KHDRBS2: variants seen among roughly 807,000 people sequenced by gnomAD.
KHDRBS2 encodes the protein KH domain-containing, RNA-binding, signal transduction-associated protein 2.
KHDRBS2 carries 26 observed loss-of-function variants against 44.3 expected under a neutral mutation model. That is an observed-to-expected ratio of 0.59 (90% CI 0.43 to 0.81). KHDRBS2 has a LOEUF of 0.81. Among genes scored for constraint, KHDRBS2 ranks in the 40% least tolerant of loss-of-function variants. The pLI is 0.00. For synonymous variants in KHDRBS2, 194 were observed against 151.1 expected, an observed-to-expected ratio of 1.28 and a Z score of -2.08; for missense variants, 476 against 433.1, an observed-to-expected ratio of 1.10 and a Z score of -0.88.
chr6:62,166,797 C>A (rs1228057710), intron 2 of KHDRBS2, among the ~76,000 whole-genome samples: 2 of 151,988 alleles, frequency 1.3e-5, no homozygotes, highest in Non-Finnish European at 2.9e-5. Flanking sequence ...ATCTCTTAAA[C>A]ATCTGTCTAC....
chr6:61,725,510 T>G (rs1773403902), intron 7 of KHDRBS2, among the ~76,000 whole-genome samples: 1 of 151,548 alleles, frequency 6.6e-6, no homozygotes, highest in South Asian at 2.1e-4. Flanking sequence ...CAGGAGCTGG[T>G]TTTTTGAAAC....
chr6:61,991,865 G>T (rs1390870714), intron 3 of KHDRBS2, among the ~76,000 whole-genome samples: 1 of 152,186 alleles, frequency 6.6e-6, no homozygotes, highest in African/African-American at 2.4e-5. Flanking sequence ...AGAAGGTCTT[G>T]CAGAATTGTA....
At chr6:61,894,544 C>T in intron 6 of KHDRBS2, 91 bp downstream of exon 6, 1 of 976,856 alleles carries the variant, frequency 1.0e-6, no homozygotes, top group Admixed American at 2.4e-5. Flanking sequence ...ACATTACCTG[C>T]TATATTCACG....
At chr6:61,656,218 T>C in the KHDRBS2 span, among the ~76,000 whole-genome samples, 2 of 152,026 alleles carry the variant, frequency 1.3e-5, no homozygotes, top group Non-Finnish European at 2.9e-5. Context: ...AGGCAGTCTT[T>C]TAAGAGAAGA....
intron 4 of KHDRBS2, among the ~76,000 whole-genome samples, chr6:61,956,557 AAT>A (rs886528074): frequency 2.6e-5 from 4 of 152,154 alleles, no homozygotes; most frequent in African/African-American, 9.6e-5. Flanking sequence ...TCAGGAAACA[AAT>A]CACAGAACAC....
At chr6:61,927,119 G>A (rs1206289777) in intron 4 of KHDRBS2, among the ~76,000 whole-genome samples, 1 of 151,270 alleles carries the variant, frequency 6.6e-6, no homozygotes, top group Non-Finnish European at 1.5e-5. Context: ...TGAATAGCTG[G>A]GTAAATAGGA....
At chr6:61,597,483 GA>G in the KHDRBS2 span, among the ~76,000 whole-genome samples, 4 of 151,774 alleles carry the variant, frequency 2.6e-5, no homozygotes, top group Admixed American at 1.3e-4. Flanking sequence ...ACAGTCACTG[GA>G]AGTCTCTTTT....
chr6:61,848,873 A>T (rs1342530793), intron 6 of KHDRBS2, among the ~76,000 whole-genome samples: 1 of 151,944 alleles, frequency 6.6e-6, no homozygotes, highest in African/African-American at 2.4e-5. Context: ...GACAATTTTG[A>T]ATAGTTAAAT....
the KHDRBS2 span, among the ~76,000 whole-genome samples, chr6:61,614,715 G>A: frequency 2.6e-5 from 4 of 152,112 alleles, no homozygotes; most frequent in African/African-American, 9.7e-5. Context: ...AGAGTGTGGG[G>A]AAGTTTTTGC....
chr6:61,885,067 C>T (rs1376825841), intron 6 of KHDRBS2, among the ~76,000 whole-genome samples: 1 of 152,024 alleles, frequency 6.6e-6, no homozygotes, highest in Non-Finnish European at 1.5e-5. Flanking sequence ...AACCTGAAAA[C>T]ACTATTAACA....
intron 1 of KHDRBS2, among the ~76,000 whole-genome samples, chr6:62,217,027 T>TAA (rs566995007): frequency 3.3e-5 from 4 of 122,908 alleles, no homozygotes; most frequent in African/African-American, 1.2e-4. Context: ...ATGATCTGAT[T>TAA]AAAAAAAAAA....
the KHDRBS2 span, among the ~76,000 whole-genome samples, chr6:61,568,262 G>T: frequency 6.6e-6 from 1 of 152,144 alleles, no homozygotes; most frequent in Non-Finnish European, 1.5e-5. Context: ...ATAATTTGAA[G>T]ACAAGTAAAG....
chr6:61,943,684 G>A (rs1196833114), intron 4 of KHDRBS2, among the ~76,000 whole-genome samples: 3 of 152,032 alleles, frequency 2.0e-5, no homozygotes, highest in Non-Finnish European at 4.4e-5. Context: ...CTTCTGCACA[G>A]AAAAGGAAAC....
chr6:61,805,382 G>C (rs879785273), intron 6 of KHDRBS2, among the ~76,000 whole-genome samples: 5 of 152,164 alleles, frequency 3.3e-5, no homozygotes, highest in Non-Finnish European at 7.3e-5. Flanking sequence ...TAAGTCACCA[G>C]GAAGTTCCAA....
At chr6:61,728,085 C>A (rs1479624673) in intron 7 of KHDRBS2, among the ~76,000 whole-genome samples, 1 of 152,052 alleles carries the variant, frequency 6.6e-6, no homozygotes, top group African/African-American at 2.4e-5. Flanking sequence ...GGTACATATA[C>A]ATCATGGAAT....
chr6:61,985,598 A>AATGATG (rs1386109888), intron 3 of KHDRBS2, among the ~76,000 whole-genome samples: 1 of 152,206 alleles, frequency 6.6e-6, no homozygotes, highest in Non-Finnish European at 1.5e-5. Context: ...CTTGGATCAA[A>AATGATG]ATGATGATCC....
the KHDRBS2 span, among the ~76,000 whole-genome samples, chr6:61,618,054 G>A: frequency 6.6e-6 from 1 of 152,106 alleles, no homozygotes; most frequent in Non-Finnish European, 1.5e-5. Flanking sequence ...GAAGGAATTT[G>A]AACCTAAATA....
intron 1 of KHDRBS2, among the ~76,000 whole-genome samples, chr6:62,267,277 C>G (rs1352674771): frequency 6.6e-6 from 1 of 152,060 alleles, no homozygotes; most frequent in African/African-American, 2.4e-5. Context: ...AATTCTCCTT[C>G]ATCTCTACCT....
chr6:61,750,846 G>A (rs1777576946), intron 6 of KHDRBS2, among the ~76,000 whole-genome samples: 1 of 151,442 alleles, frequency 6.6e-6, no homozygotes, highest in African/African-American at 2.4e-5. Flanking sequence ...CTTCCAACAT[G>A]GAATTTCTAT....
Sources: gnomAD v4.1 joint callset for allele counts (sites outside exome capture counted in the v4.1 genomes callset) on GRCh38, gnomAD v4.1.1 for gene constraint, MANE v1.5 for transcripts, NCBI Gene and HGNC (gene_info 2026-07-23, HGNC 2026-07-21) for gene names.